Variants in DTNB observed in about 807,000 individuals in gnomAD.
The protein encoded by DTNB is dystrobrevin beta, also known as DTN-B.
Under a neutral mutation model 90.7 loss-of-function variants are expected in DTNB, and 63 were observed. The ratio of observed to expected loss-of-function variants is 0.69; its 90% confidence interval spans 0.57 to 0.86. DTNB has a LOEUF of 0.86. Ranked by LOEUF, DTNB falls within the 40% of genes least tolerant of loss-of-function variation. DTNB has a pLI of 0.00. For missense variants in DTNB, 744 were observed against 807.1 expected, an observed-to-expected ratio of 0.92 and a Z score of 0.95; for synonymous variants, 277 against 286.7, an observed-to-expected ratio of 0.97 and a Z score of 0.34.
At chr2:25,463,735 A>G (rs2061363829) in intron 10 of DTNB, among the ~76,000 whole-genome samples, 2 of 152,130 alleles carry the variant, frequency 1.3e-5, no homozygotes, top group South Asian at 4.1e-4. Context: ...CAGGTGTCTC[A>G]CCCCTGGAGA....
intron 4 of DTNB, among the ~76,000 whole-genome samples, chr2:25,619,194 T>C (rs1455274988): frequency 6.6e-6 from 1 of 152,148 alleles, no homozygotes; most frequent in East Asian, 1.9e-4. Context: ...ACACAAGCTG[T>C]TTCTATCTCT....
intron 9 of DTNB, among the ~76,000 whole-genome samples, chr2:25,491,558 A>G (rs1242205838): frequency 1.3e-5 from 2 of 152,156 alleles, no homozygotes; most frequent in Non-Finnish European, 2.9e-5. Context: ...TGGTGAGACT[A>G]TTCTCCAAAA....
At chr2:25,572,467 CAAA>C (rs373866980) in intron 8 of DTNB, among the ~76,000 whole-genome samples, 11 of 102,230 alleles carry the variant, frequency 1.1e-4, no homozygotes, top group African/African-American at 3.3e-4. Context: ...ACTCCATCGC[CAAA>C]AAAAAAAAAA....
At chr2:25,529,387 A>G (rs1175527032) in intron 9 of DTNB, among the ~76,000 whole-genome samples, 1 of 152,162 alleles carries the variant, frequency 6.6e-6, no homozygotes, top group Non-Finnish European at 1.5e-5. Flanking sequence ...AATTAAAGAC[A>G]TATGTGAAAG....
chr2:25,457,787 G>A (rs2060274176), intron 10 of DTNB, among the ~76,000 whole-genome samples: 1 of 152,094 alleles, frequency 6.6e-6, no homozygotes, highest in Non-Finnish European at 1.5e-5. Context: ...CTTGATTGCT[G>A]AAAATGCCAA....
At chr2:25,438,559 G>C (rs1164703708) in intron 12 of DTNB, among the ~76,000 whole-genome samples, 1 of 152,212 alleles carries the variant, frequency 6.6e-6, no homozygotes, top group Non-Finnish European at 1.5e-5. Flanking sequence ...TAAAAACACT[G>C]TTCTACATTT....
chr2:25,523,934 T>C (rs1369926592), intron 9 of DTNB, among the ~76,000 whole-genome samples: 1 of 144,490 alleles, frequency 6.9e-6, no homozygotes, highest in African/African-American at 2.6e-5. Context: ...AGAGTTTCCC[T>C]CTTCTTGCCC....
At chr2:25,624,987 T>TA (rs923783123) in intron 4 of DTNB, among the ~76,000 whole-genome samples, 2 of 152,132 alleles carry the variant, frequency 1.3e-5, no homozygotes, top group South Asian at 2.1e-4. Flanking sequence ...CTCTCAGTAT[T>TA]AAAAAAAATT....
At chr2:25,437,153 G>C (rs1380165608) in intron 12 of DTNB, among the ~76,000 whole-genome samples, 1 of 152,166 alleles carries the variant, frequency 6.6e-6, no homozygotes, top group Non-Finnish European at 1.5e-5. Context: ...CTGGTGTCCC[G>C]GCAGGACTCC....
chr2:25,484,787 G>C (rs905458822), intron 9 of DTNB, among the ~76,000 whole-genome samples: 2 of 152,142 alleles, frequency 1.3e-5, no homozygotes, highest in Non-Finnish European at 2.9e-5. Flanking sequence ...TCAATTCCAA[G>C]TTATTTATCT....
At chr2:25,638,022 T>C (rs2077462039) in intron 3 of DTNB, among the ~76,000 whole-genome samples, 1 of 152,170 alleles carries the variant, frequency 6.6e-6, no homozygotes, top group African/African-American at 2.4e-5. Context: ...TGGAATACTA[T>C]GCAGCCATAA....
intron 7 of DTNB, 127 bp downstream of exon 7, chr2:25,580,594 G>T: frequency 3.3e-6 from 3 of 919,812 alleles, no homozygotes; most frequent in Non-Finnish European, 1.7e-6. Context: ...ACCACAAAAT[G>T]AAATGACAGA....
Position 25,576,881 on chromosome 2 carries a change from C to G in DTNB, c.833G>C (p.Gly278Ala). The G allele has an allele frequency of 6.2e-7, 1 of 1,613,152 alleles. No homozygotes were observed. Among genetic ancestry groups the G allele is most frequent in the Non-Finnish European group, 8.5e-7 (1 of 1,179,556 alleles). The change falls in exon 8 of 21, where the codon GGC becomes GCC. Residue 278 changes from glycine (G) to alanine (A), a missense_variant. Coordinates refer to ENST00000406818, the MANE Select transcript of DTNB (RefSeq NM_021907.5). ...CATCTGGTGCTGGTTGCTGTGAGGGCCGCCGGCATGGCCACGCCAAAAGCA... is the reference window on the plus strand; with the variant it reads ...CATCTGGTGCTGGTTGCTGTGAGGGGCGCCGGCATGGCCACGCCAAAAGCA... Reference protein sequence around the residue: ...QNCFWRGHAGGPHSNQHQMKE... With the variant: ...QNCFWRGHAGAPHSNQHQMKE...
chr2:25,644,331 A>G (rs1246662304), intron 2 of DTNB, among the ~76,000 whole-genome samples: 1 of 152,186 alleles, frequency 6.6e-6, no homozygotes, highest in Non-Finnish European at 1.5e-5. Context: ...AAGTAAGTGT[A>G]TTGTGTTTAA....
intron 16 of DTNB, among the ~76,000 whole-genome samples, chr2:25,393,641 AAAAAT>A (rs1239424919): frequency 6.6e-6 from 1 of 152,092 alleles, no homozygotes; most frequent in Non-Finnish European, 1.5e-5. Flanking sequence ...AATACCTGCA[AAAAAT>A]AAAATAAAAT....
intron 10 of DTNB, among the ~76,000 whole-genome samples, chr2:25,455,705 C>T (rs1014756114): frequency 1.3e-5 from 2 of 152,180 alleles, no homozygotes; most frequent in Non-Finnish European, 1.5e-5. Context: ...AAAAGCAGTC[C>T]TTCAGGAGTG....
intron 14 of DTNB, among the ~76,000 whole-genome samples, chr2:25,431,310 T>C (rs2053779085): frequency 6.6e-6 from 1 of 152,144 alleles, no homozygotes; most frequent in Non-Finnish European, 1.5e-5. Context: ...CAAGCAATTC[T>C]CCTGCCTCAG....
intron 4 of DTNB, among the ~76,000 whole-genome samples, chr2:25,623,089 A>G (rs967258379): frequency 2.0e-5 from 3 of 152,206 alleles, no homozygotes; most frequent in Non-Finnish European, 4.4e-5. Flanking sequence ...AAATGCCAAC[A>G]ATCAGAAAAC....
intron 8 of DTNB, among the ~76,000 whole-genome samples, chr2:25,574,249 T>C (rs2060320447): frequency 6.6e-6 from 1 of 152,212 alleles, no homozygotes; most frequent in Non-Finnish European, 1.5e-5. Context: ...TCCGGTTTGT[T>C]CATAGATGTA....
Sources: allele counts gnomAD v4.1 joint callset (sites outside exome capture counted in the v4.1 genomes callset), GRCh38; gene constraint gnomAD v4.1.1; transcripts MANE v1.5; gene names NCBI Gene and HGNC (gene_info 2026-07-23, HGNC 2026-07-21).